Variants in IMMP2L observed in about 807,000 individuals in gnomAD.
The protein encoded by IMMP2L is inner mitochondrial membrane peptidase subunit 2.
IMMP2L carries 18 observed loss-of-function variants against 19.3 expected under a neutral mutation model. That is an observed-to-expected ratio of 0.93 (90% CI 0.64 to 1.38). IMMP2L has a LOEUF of 1.38. IMMP2L is among the 40% of genes most tolerant of loss of function. IMMP2L has a pLI of 0.00. For synonymous variants in IMMP2L, 76 were observed against 73.0 expected, an observed-to-expected ratio of 1.04 and a Z score of -0.21; for missense variants, 233 against 218.2, an observed-to-expected ratio of 1.07 and a Z score of -0.43.
intron 3 of IMMP2L, chr7:111,124,958 A>C: frequency 8.5e-7 from 1 of 1,180,614 alleles, no homozygotes; most frequent in Non-Finnish European, 1.2e-6. Flanking sequence ...GAAAGACTGC[A>C]GTTGTGCTAA....
At chr7:111,128,932 T>G (rs1801581770) in intron 3 of IMMP2L, among the ~76,000 whole-genome samples, 1 of 152,172 alleles carries the variant, frequency 6.6e-6, no homozygotes, top group Admixed American at 6.5e-5. Flanking sequence ...GAAGTGAATT[T>G]CAAAAAGGTT....
intron 3 of IMMP2L, among the ~76,000 whole-genome samples, chr7:111,052,999 C>T (rs527533297): frequency 2.6e-5 from 4 of 152,244 alleles, no homozygotes; most frequent in East Asian, 3.9e-4. Context: ...TTAGCGGCAG[C>T]GAATCCATAC....
intron 4 of IMMP2L, among the ~76,000 whole-genome samples, chr7:110,942,503 A>G (rs1340199475): frequency 6.6e-6 from 1 of 151,962 alleles, no homozygotes; most frequent in Non-Finnish European, 1.5e-5. Context: ...AAACAGCAGA[A>G]TGATTTTTTC....
intron 3 of IMMP2L, among the ~76,000 whole-genome samples, chr7:111,094,703 C>T (rs990848115): frequency 2.0e-5 from 3 of 152,118 alleles, no homozygotes; most frequent in Admixed American, 6.6e-5. Context: ...AATTCCTCTC[C>T]TCTCCTTCTG....
chr7:111,207,936 T>C (rs1810898158), intron 3 of IMMP2L, among the ~76,000 whole-genome samples: 1 of 152,150 alleles, frequency 6.6e-6, no homozygotes, highest in Non-Finnish European at 1.5e-5. Flanking sequence ...GAGCTACCAA[T>C]AGTTAATCCA....
chr7:111,419,650 C>T (rs1835296272), intron 3 of IMMP2L, among the ~76,000 whole-genome samples: 1 of 151,714 alleles, frequency 6.6e-6, no homozygotes, highest in Admixed American at 6.6e-5. Context: ...GTTTATCTTA[C>T]ATATGTTTAT....
chr7:111,048,082 T>C (rs1281855085), intron 3 of IMMP2L, among the ~76,000 whole-genome samples: 1 of 150,566 alleles, frequency 6.6e-6, no homozygotes. Context: ...TACTAAAAAA[T>C]ACAAAAAATT....
At chr7:110,868,171 G>T (rs1808182333) in intron 5 of IMMP2L, among the ~76,000 whole-genome samples, 1 of 140,252 alleles carries the variant, frequency 7.1e-6, no homozygotes, top group Non-Finnish European at 1.5e-5. Flanking sequence ...CAGTGATACG[G>T]AGAGACAAGC....
At chr7:110,964,097 T>G (rs1819274014) in intron 3 of IMMP2L, among the ~76,000 whole-genome samples, 1 of 151,996 alleles carries the variant, frequency 6.6e-6, no homozygotes, top group Admixed American at 6.6e-5. Flanking sequence ...TGAGAAGATG[T>G]GCCTCACTTC....
At chr7:111,488,654 CTTTTTCATATAATGAGTTAT>C (rs1182095862) in intron 2 of IMMP2L, among the ~76,000 whole-genome samples, 4 of 152,068 alleles carry the variant, frequency 2.6e-5, no homozygotes, top group African/African-American at 9.7e-5. Context: ...AAGTACACAT[CTTTTTCATATAATGAGTTAT>C]TTTTTCATAT....
At chr7:111,199,758 G>A (rs771522356) in intron 3 of IMMP2L, among the ~76,000 whole-genome samples, 26 of 152,104 alleles carry the variant, frequency 1.7e-4, no homozygotes, top group Non-Finnish European at 3.1e-4. Flanking sequence ...ATGAGTGCAT[G>A]TGCATTAGGG....
intron 4 of IMMP2L, among the ~76,000 whole-genome samples, chr7:110,906,432 G>A (rs1185905395): frequency 6.6e-6 from 1 of 152,178 alleles, no homozygotes; most frequent in African/African-American, 2.4e-5. Context: ...ATCCATTTAA[G>A]ACAGCATTTG....
chr7:110,904,964 T>A (rs1162475785), intron 4 of IMMP2L, among the ~76,000 whole-genome samples: 1 of 152,190 alleles, frequency 6.6e-6, no homozygotes, highest in African/African-American at 2.4e-5. Context: ...ATGCTTACAA[T>A]TATATTCTTT....
intron 2 of IMMP2L, among the ~76,000 whole-genome samples, chr7:111,493,452 C>T (rs1843282288): frequency 6.6e-6 from 1 of 152,092 alleles, no homozygotes; most frequent in Non-Finnish European, 1.5e-5. Flanking sequence ...CCTGTAATCC[C>T]AGCACTTTGG....
intron 3 of IMMP2L, chr7:111,091,154 G>C (rs774610386): frequency 2.6e-5 from 4 of 152,132 alleles, no homozygotes; most frequent in Middle Eastern, 3.2e-3. Flanking sequence ...TCGGGTGAAC[G>C]ATGCACCACT....
intron 4 of IMMP2L, among the ~76,000 whole-genome samples, chr7:110,947,791 G>A (rs1409031057): frequency 2.6e-5 from 4 of 152,124 alleles, no homozygotes; most frequent in African/African-American, 7.2e-5. Context: ...GAAGCAGCGT[G>A]GGATGCAGCA....
At chr7:111,484,934 C>T (rs576303307) in intron 3 of IMMP2L, among the ~76,000 whole-genome samples, 25 of 152,096 alleles carry the variant, frequency 1.6e-4, no homozygotes, top group African/African-American at 5.5e-4. Context: ...ACTACAGGCA[C>T]GCATCACCAA....
At chr7:110,943,031 C>G (rs1455011901) in intron 4 of IMMP2L, among the ~76,000 whole-genome samples, 1 of 151,902 alleles carries the variant, frequency 6.6e-6, no homozygotes, top group Non-Finnish European at 1.5e-5. Context: ...TGTGATGAAT[C>G]CCTGAACAGT....
intron 3 of IMMP2L, among the ~76,000 whole-genome samples, chr7:111,418,521 T>C (rs556645592): frequency 6.6e-6 from 1 of 151,924 alleles, no homozygotes; most frequent in African/African-American, 2.4e-5. Flanking sequence ...CAGCCTTCGG[T>C]ACAAAAAGCT....
Sources: gnomAD v4.1 joint callset for allele counts (sites outside exome capture counted in the v4.1 genomes callset) on GRCh38, gnomAD v4.1.1 for gene constraint, MANE v1.5 for transcripts, NCBI Gene and HGNC (gene_info 2026-07-23, HGNC 2026-07-21) for gene names.